ASPRV1: variants seen among roughly 807,000 people sequenced by gnomAD.
The protein encoded by ASPRV1 is aspartic peptidase retroviral like 1.
ASPRV1 carries 7 observed loss-of-function variants against 11.0 expected under a neutral mutation model. The ratio of observed to expected loss-of-function variants is 0.64; its 90% confidence interval spans 0.36 to 1.20. The LOEUF (loss-of-function observed/expected upper bound fraction) is 1.20, where lower values mean the gene tolerates loss of function less well. ASPRV1 is among the 50% of genes most tolerant of loss of function. ASPRV1 has a pLI of 0.02. For synonymous variants in ASPRV1, 136 were observed against 138.4 expected (o/e 0.98, Z 0.12); for missense variants, 299 against 320.0 (o/e 0.93, Z 0.50).
At chr2:70,040,517 T>C in the ASPRV1 span, among the ~76,000 whole-genome samples, 2 of 152,128 alleles carry the variant, frequency 1.3e-5, no homozygotes, top group Non-Finnish European at 2.9e-5. Flanking sequence ...TAACAAGTTT[T>C]CCACAGTTAT....
At chr2:70,058,386 G>A in the ASPRV1 span, among the ~76,000 whole-genome samples, 2 of 151,936 alleles carry the variant, frequency 1.3e-5, no homozygotes, top group African/African-American at 4.8e-5. Flanking sequence ...GGGACTACAG[G>A]CACGCGCCAC....
chr2:70,027,119 G>T, the ASPRV1 span, among the ~76,000 whole-genome samples: 1 of 151,754 alleles, frequency 6.6e-6, no homozygotes, highest in African/African-American at 2.4e-5. Flanking sequence ...TTAGCTGGGC[G>T]TGATGATGTG....
chr2:69,951,820 C>G, the ASPRV1 span, among the ~76,000 whole-genome samples: 2 of 152,146 alleles, frequency 1.3e-5, no homozygotes, highest in African/African-American at 4.8e-5. Context: ...GTCTCCTCTA[C>G]TTACTTGATG....
the ASPRV1 span, among the ~76,000 whole-genome samples, chr2:70,044,734 C>T: frequency 1.3e-5 from 2 of 152,334 alleles, 1 homozygote; most frequent in Middle Eastern, 6.8e-3. Context: ...GCTGGGATTC[C>T]GGGCGTGAGC....
the ASPRV1 span, among the ~76,000 whole-genome samples, chr2:69,978,972 C>T: frequency 2.0e-5 from 3 of 152,150 alleles, no homozygotes. Context: ...CTCCTCCTCC[C>T]ATTCCAAGAA....
chr2:70,054,107 T>G, the ASPRV1 span: 1 of 148,650 alleles, frequency 6.7e-6, no homozygotes, highest in Non-Finnish European at 1.5e-5. Flanking sequence ...CTGAGGCGGG[T>G]GGATCACAAG....
At chr2:70,042,398 C>T in the ASPRV1 span, among the ~76,000 whole-genome samples, 1 of 152,132 alleles carries the variant, frequency 6.6e-6, no homozygotes, top group Non-Finnish European at 1.5e-5. Context: ...CAAGAAAAGG[C>T]TCTAGTATCA....
the ASPRV1 span, among the ~76,000 whole-genome samples, chr2:70,039,513 T>C: frequency 6.6e-6 from 1 of 152,192 alleles, no homozygotes; most frequent in African/African-American, 2.4e-5. Flanking sequence ...TGGGTTATAC[T>C]AGGATGCTCA....
chr2:69,937,025 T>A, the ASPRV1 span: 5 of 691,754 alleles, frequency 7.2e-6, no homozygotes, highest in African/African-American at 1.8e-5. Flanking sequence ...ACAGGACAAG[T>A]ACCCCCAGCA....
chr2:70,001,697 T>C, the ASPRV1 span, among the ~76,000 whole-genome samples: 145 of 152,028 alleles, frequency 9.5e-4, 1 homozygote, highest in African/African-American at 3.3e-3. Context: ...GAGATGGAGG[T>C]TGCAGTGAGC....
Position 69,960,513 on chromosome 2 carries a change from T to A in ASPRV1, c.*144A>T. 2.3e-6 allele frequency: 2 copies of A among 884,340 alleles called. No individual in the cohort carries two copies. Among genetic ancestry groups the A allele is most frequent in the African/African-American group, 1.7e-5 (1 of 59,396 alleles). 54.8% of individuals were successfully genotyped at this position (884,340 alleles called of 1,614,324 possible). ...CCTACCAGGGGCAGATTAAGGCCCCTGCAGAGGGAGGCAAAGGGGAGAGAA... is the reference window on the plus strand; with the variant it reads ...CCTACCAGGGGCAGATTAAGGCCCCAGCAGAGGGAGGCAAAGGGGAGAGAA... On this transcript the variant is annotated 3_prime_UTR_variant, in exon 1 of 1. Coordinates refer to ENST00000320256, the MANE Select transcript of ASPRV1 (RefSeq NM_152792.4).
chr2:69,953,595 A>C, the ASPRV1 span, among the ~76,000 whole-genome samples: 1 of 142,420 alleles, frequency 7.0e-6, no homozygotes, highest in Non-Finnish European at 1.5e-5. Context: ...AGTTTCTGGG[A>C]CCTTTCCCCC....
At chr2:70,041,746 C>T in the ASPRV1 span, among the ~76,000 whole-genome samples, 2 of 152,126 alleles carry the variant, frequency 1.3e-5, no homozygotes, top group African/African-American at 4.8e-5. Flanking sequence ...AGAAGCCCTC[C>T]TATCTTGTAT....
Position 69,961,134 on chromosome 2 carries a change from C to A in ASPRV1, c.303G>T (p.Glu101Asp). 1 of 1,613,970 alleles carries A rather than the reference C, an allele frequency of 6.2e-7. No individual in the cohort carries two copies. Among genetic ancestry groups the A allele is most frequent in the Non-Finnish European group, 8.5e-7 (1 of 1,179,908 alleles). ...TACCCATGCTGTTGGCAAAGACGAT[C>A]TCTTTGGGCAGGTGGCTGGGGGCAG... ...PGAAPSHLPK[E>D]IVFANSMGKG... The change falls in exon 1 of 1, where the codon GAG becomes GAT. Residue 101 changes from glutamate to aspartate, a missense_variant. Physicochemically the swap from Glu to Asp is conservative, Grantham distance 45. Transcript: ENST00000320256.
the ASPRV1 span, among the ~76,000 whole-genome samples, chr2:69,968,954 A>T: frequency 6.6e-6 from 1 of 151,812 alleles, no homozygotes. Flanking sequence ...CCAAATTCTC[A>T]CTCTCCGTGG....
At chr2:70,019,936 T>G in the ASPRV1 span, among the ~76,000 whole-genome samples, 1 of 152,106 alleles carries the variant, frequency 6.6e-6, no homozygotes, top group Non-Finnish European at 1.5e-5. Context: ...GGGAAGTATA[T>G]GAGGCAATGC....
the ASPRV1 span, among the ~76,000 whole-genome samples, chr2:69,991,858 GA>G: frequency 6.6e-6 from 1 of 152,120 alleles, no homozygotes; most frequent in South Asian, 2.1e-4. Flanking sequence ...TTAAAAAAAG[GA>G]AAAGAGAAAA....
chr2:70,010,394 G>C, the ASPRV1 span, among the ~76,000 whole-genome samples: 1 of 152,268 alleles, frequency 6.6e-6, no homozygotes, highest in South Asian at 2.1e-4. Context: ...TAGGCAGTAG[G>C]GATTTGCGTG....
At chr2:69,944,430 A>G in the ASPRV1 span, among the ~76,000 whole-genome samples, 1 of 152,214 alleles carries the variant, frequency 6.6e-6, no homozygotes, top group Admixed American at 6.5e-5. Context: ...GAACCTTCAC[A>G]TTGGCCCCGG....
Sources: gnomAD v4.1 joint callset for allele counts (sites outside exome capture counted in the v4.1 genomes callset) on GRCh38, gnomAD v4.1.1 for gene constraint, MANE v1.5 for transcripts, NCBI Gene and HGNC (gene_info 2026-07-23, HGNC 2026-07-21) for gene names.